The following GRB10 variants were observed in gnomAD, a reference collection of about 807,000 sequenced individuals.
GRB10 encodes growth factor receptor bound protein 10.
A neutral mutation model predicts 80.9 loss-of-function variants in GRB10; 20 were observed. That is an observed-to-expected ratio of 0.25 (90% CI 0.17 to 0.36). The LOEUF (loss-of-function observed/expected upper bound fraction) is 0.36. GRB10 is among the 10% of genes least tolerant of loss of function. GRB10 has a pLI of 1.00. For missense variants in GRB10, 548 were observed against 747.7 expected, an observed-to-expected ratio of 0.73 and a Z score of 3.12; for synonymous variants, 291 against 291.5, an observed-to-expected ratio of 1.00 and a Z score of 0.02.
intron 5 of GRB10, among the ~76,000 whole-genome samples, chr7:50,686,943 C>T (rs980787874): frequency 9.2e-5 from 14 of 152,002 alleles, no homozygotes; most frequent in African/African-American, 3.4e-4. Flanking sequence ...ATTTAGATAC[C>T]TTCCTTTGTC....
At chr7:50,714,602 G>T (rs1008201395) in intron 4 of GRB10, among the ~76,000 whole-genome samples, 1 of 151,930 alleles carries the variant, frequency 6.6e-6, no homozygotes, top group African/African-American at 2.4e-5. Flanking sequence ...GGCGGAGCTT[G>T]CAGTGAGCCG....
At chr7:50,599,856 G>A (rs974136333) in intron 17 of GRB10, among the ~76,000 whole-genome samples, 1 of 152,304 alleles carries the variant, frequency 6.6e-6, no homozygotes, top group African/African-American at 2.4e-5. Context: ...CCACCCCAAG[G>A]CAGCCCTTTC....
In GRB10 at chr7:50,605,326, G is replaced by A. The variant is rs2048342612; in HGVS notation, c.1353C>T (p.Ala451=). 6.2e-7 allele frequency: 1 copy of A among 1,614,114 alleles called. No individual in the cohort carries two copies. Among genetic ancestry groups the A allele is most frequent in the Middle Eastern group, 1.6e-4 (1 of 6,062 alleles). Residue 451 remains alanine (A), a synonymous_variant, in exon 15 of 19, where the codon GCC becomes GCT. Transcript: ENST00000401949. ...GGCCCTCCTCCAGGGCTGCGCTCTG[G>A]GCCTCTGCCGGATTCTCTATCACGC... The part of the protein sequence containing the change: ...TGRVIENPAE[A]QSAALEEGHA...
intron 7 of GRB10, chr7:50,645,479 C>T (rs1447041909): frequency 2.5e-6 from 1 of 406,890 alleles, no homozygotes; most frequent in Non-Finnish European, 3.3e-6. Flanking sequence ...GCCAAAAACA[C>T]TGCCATTTGG....
At chr7:50,600,206 A>G (rs780055990) in intron 17 of GRB10, among the ~76,000 whole-genome samples, 2 of 152,208 alleles carry the variant, frequency 1.3e-5, no homozygotes, top group Non-Finnish European at 2.9e-5. Context: ...TAGAAGCCCC[A>G]GAACACACAG....
chr7:50,787,835 G>A (rs975462221), upstream of GRB10, among the ~76,000 whole-genome samples: 2 of 152,238 alleles, frequency 1.3e-5, no homozygotes, highest in African/African-American at 4.8e-5. Context: ...CAGACACCTG[G>A]AAGCTCAGGT....
chr7:50,748,662 T>G (rs2073464620), intron 3 of GRB10, among the ~76,000 whole-genome samples: 2 of 152,182 alleles, frequency 1.3e-5, no homozygotes, highest in Admixed American at 1.3e-4. Context: ...AGGAGGAGCC[T>G]GGAGTTCAGG....
chr7:50,690,330 A>AG (rs1253473331), intron 5 of GRB10, among the ~76,000 whole-genome samples: 68 of 149,914 alleles, frequency 4.5e-4, no homozygotes, highest in African/African-American at 1.6e-3. Flanking sequence ...CAAAAAAAAC[A>AG]GAAAAAAAAG....
intron 14 of GRB10, among the ~76,000 whole-genome samples, chr7:50,606,116 A>T (rs1337308324): frequency 6.6e-6 from 1 of 152,168 alleles, no homozygotes; most frequent in East Asian, 1.9e-4. Flanking sequence ...CTGAGGGGAG[A>T]TGCAGGGACG....
At chr7:50,741,740 A>T (rs2071792996) in intron 3 of GRB10, among the ~76,000 whole-genome samples, 1 of 152,180 alleles carries the variant, frequency 6.6e-6, no homozygotes, top group African/African-American at 2.4e-5. Flanking sequence ...TCATGCCATG[A>T]AATGCATATT....
chr7:50,636,724 C>T lies in GRB10; in HGVS notation c.505-9746G>A, dbSNP rs187360667. 3.1e-3 allele frequency among the ~76,000 whole-genome samples: 468 copies of T among 152,228 alleles called. 2 individuals carry two copies. Among genetic ancestry groups the T allele is most frequent in the African/African-American group, 0.011 (443 of 41,536 alleles). On this transcript the variant is annotated intron_variant, in intron 7 of 18. Transcript: ENST00000401949. Reference sequence around the variant, plus strand: ...CTCAACAAACTAGGCACTAAAAGAACATACCTCAAAATAATTAGAGCCATA... The same window carrying T: ...CTCAACAAACTAGGCACTAAAAGAATATACCTCAAAATAATTAGAGCCATA...
At chr7:50,651,282 C>A (rs2057976192) in intron 7 of GRB10, among the ~76,000 whole-genome samples, 1 of 152,178 alleles carries the variant, frequency 6.6e-6, no homozygotes, top group Non-Finnish European at 1.5e-5. Context: ...GATCAAGATG[C>A]GAGCAGGTCT....
At chr7:50,754,444 C>T (rs970858594) in intron 3 of GRB10, among the ~76,000 whole-genome samples, 5 of 152,168 alleles carry the variant, frequency 3.3e-5, no homozygotes, top group African/African-American at 9.7e-5. Context: ...GGGGAGGTCA[C>T]GGTTCATGCA....
intron 1 of GRB10, among the ~76,000 whole-genome samples, chr7:50,788,757 T>C (rs1048455715): frequency 6.6e-6 from 1 of 152,170 alleles, no homozygotes. Context: ...CGGAGCCACA[T>C]CCCAGGGGCA....
intron 4 of GRB10, among the ~76,000 whole-genome samples, chr7:50,721,360 T>C (rs2067704507): frequency 6.6e-6 from 1 of 152,236 alleles, no homozygotes; most frequent in African/African-American, 2.4e-5. Context: ...AGATCCACGC[T>C]GCAGGCGCTG....
chr7:50,775,172 A>C (rs2077474352), intron 2 of GRB10, among the ~76,000 whole-genome samples: 1 of 96,062 alleles, frequency 1.0e-5, no homozygotes, highest in African/African-American at 5.2e-5. Context: ...AAAAAAAAAA[A>C]ACAAAAAAAA....
At chr7:50,667,414 T>C (rs2059927392) in intron 7 of GRB10, among the ~76,000 whole-genome samples, 1 of 152,198 alleles carries the variant, frequency 6.6e-6, no homozygotes, top group Non-Finnish European at 1.5e-5. Context: ...GTCTCAGCAT[T>C]ACTTCCTCTG....
chr7:50,689,226 T>C (rs576933003), intron 5 of GRB10, among the ~76,000 whole-genome samples: 10 of 152,248 alleles, frequency 6.6e-5, no homozygotes, highest in Admixed American at 3.3e-4. Context: ...CCATTCAGGG[T>C]GCTGAGTCCC....
chr7:50,712,595 T>C (rs573302877), intron 4 of GRB10, among the ~76,000 whole-genome samples: 61 of 152,334 alleles, frequency 4.0e-4, no homozygotes, highest in African/African-American at 1.4e-3. Context: ...ACATTTTCAC[T>C]AAAATCATAC....
Sources: gnomAD v4.1 joint callset for allele counts (sites outside exome capture counted in the v4.1 genomes callset) on GRCh38, gnomAD v4.1.1 for gene constraint, MANE v1.5 for transcripts, NCBI Gene and HGNC (gene_info 2026-07-23, HGNC 2026-07-21) for gene names.